CDHR3: variants seen among roughly 807,000 people sequenced by gnomAD.
CDHR3 encodes the protein cadherin related family member 3.
CDHR3 carries 79 observed loss-of-function variants against 86.6 expected under a neutral mutation model. The ratio of observed to expected loss-of-function variants is 0.91; its 90% CI spans 0.76 to 1.10. The LOEUF (loss-of-function observed/expected upper bound fraction) is 1.10. Ranked by LOEUF, CDHR3 falls within the 50% of genes least tolerant of loss-of-function variation. The pLI, the probability that CDHR3 is intolerant of heterozygous loss-of-function variation, is 0.00. For missense variants in CDHR3, 1,081 were observed against 1,077.6 expected (o/e 1.00, Z -0.04); for synonymous variants, 421 against 402.4 (o/e 1.05, Z -0.55).
chr7:105,980,220 C>G (rs562864167), intron 2 of CDHR3, among the ~76,000 whole-genome samples: 1 of 152,244 alleles, frequency 6.6e-6, no homozygotes, highest in Admixed American at 6.5e-5. Flanking sequence ...AGTGATGAGT[C>G]AAGATATAAC....
intron 3 of CDHR3, 34 bp from the exon 4 acceptor site, chr7:105,984,158 G>A: frequency 7.2e-7 from 1 of 1,385,628 alleles, no homozygotes; most frequent in Non-Finnish European, 9.9e-7. Flanking sequence ...GCTTTAATAA[G>A]ATGTTTCTTA....
In CDHR3 at chr7:106,018,069, C is replaced by T. The variant is rs1835934269; in HGVS notation, c.1650C>T (p.Val550=). 1 of 1,613,040 alleles carries T rather than the reference C, an allele frequency of 6.2e-7. No individual in the cohort carries two copies. Among genetic ancestry groups the T allele is most frequent in the Non-Finnish European group, 8.5e-7 (1 of 1,179,302 alleles). ...QATNNEDTSS[V]TVTVNILEEN... is the part of the protein sequence containing the mutation. ...CCAACAACGAAGACACAAGCTCTGT[C>T]ACTGTGAGTGGTGCTGCTTGGTATA... Residue 550 remains valine, a synonymous_variant, in exon 12 of 19, where the codon GTC becomes GTT. Transcript: ENST00000317716.
intron 9 of CDHR3, among the ~76,000 whole-genome samples, chr7:106,014,234 C>T (rs1835232143): frequency 6.6e-6 from 1 of 152,174 alleles, no homozygotes; most frequent in Non-Finnish European, 1.5e-5. Flanking sequence ...CTGTGCCTAG[C>T]CTGCATATGA....
At chr7:106,029,128 T>C (rs1357009305) in intron 17 of CDHR3, among the ~76,000 whole-genome samples, 1 of 152,028 alleles carries the variant, frequency 6.6e-6, no homozygotes, top group Non-Finnish European at 1.5e-5. Flanking sequence ...TACAGACACG[T>C]GCCACCACGC....
At chr7:106,011,364 AC>A (rs1834774653) in intron 8 of CDHR3, among the ~76,000 whole-genome samples, 1 of 152,100 alleles carries the variant, frequency 6.6e-6, no homozygotes, top group Non-Finnish European at 1.5e-5. Context: ...GTGCCTTGGG[AC>A]TTGCCCTCTC....
intron 1 of CDHR3, among the ~76,000 whole-genome samples, chr7:105,970,848 G>A (rs1227424119): frequency 6.6e-6 from 1 of 152,118 alleles, no homozygotes; most frequent in East Asian, 1.9e-4. Flanking sequence ...ATTAAGGTCA[G>A]GAGAACCCAG....
At chr7:106,017,419 T>C (rs928358610) in intron 11 of CDHR3, among the ~76,000 whole-genome samples, 2 of 151,826 alleles carry the variant, frequency 1.3e-5, no homozygotes, top group African/African-American at 2.4e-5. Flanking sequence ...ATTAGCCAGG[T>C]GTGGTCGTGG....
intron 1 of CDHR3, among the ~76,000 whole-genome samples, chr7:105,965,692 A>G (rs1221670396): frequency 6.6e-6 from 1 of 151,908 alleles, no homozygotes; most frequent in Non-Finnish European, 1.5e-5. Flanking sequence ...CACCTAATGC[A>G]GATTCAGTGC....
chr7:105,992,118 T>C (rs1233920723), intron 4 of CDHR3, among the ~76,000 whole-genome samples: 3 of 152,180 alleles, frequency 2.0e-5, no homozygotes, highest in African/African-American at 7.2e-5. Context: ...AAACCTTTGT[T>C]CCCTCGGTTG....
Position 105,963,380 on chromosome 7 carries a change from T to C in CDHR3, c.46+16T>C. The C allele has an allele frequency of 6.2e-7, 1 of 1,613,700 alleles. No individual in the cohort carries two copies. The highest frequency in any genetic ancestry group is 8.5e-7 in the Non-Finnish European group (1 of 1,179,586). On this transcript the variant is annotated intron_variant, in intron 1 of 18. Transcript: ENST00000317716. ...GCCATGTCAGGTAGGAACTCAATTT[T>C]GCTTTGGAACCTTGCTTGCCTACTT... is the stretch of plus-strand genomic sequence containing the variant.
chr7:106,014,548 G>A (rs1291501967), intron 9 of CDHR3, among the ~76,000 whole-genome samples: 2 of 152,164 alleles, frequency 1.3e-5, no homozygotes, highest in Non-Finnish European at 1.5e-5. Flanking sequence ...TTGAGGCCAC[G>A]AGTTTGAGGC....
At chr7:106,000,709 G>C (rs1367311745) in intron 6 of CDHR3, among the ~76,000 whole-genome samples, 1 of 152,134 alleles carries the variant, frequency 6.6e-6, no homozygotes, top group East Asian at 1.9e-4. Flanking sequence ...TTACTGGCCT[G>C]TTCCAAAGGC....
Position 106,024,432 on chromosome 7 carries a change from T to A in CDHR3, c.2128T>A (p.Trp710Arg). Residue 710 changes from tryptophan (W) to arginine (R), a missense_variant, in exon 15 of 19, where the codon TGG (tryptophan) becomes AGG (arginine). By Grantham distance (101) the Trp-to-Arg change is moderately radical. Coordinates refer to ENST00000317716, the MANE Select transcript of CDHR3 (RefSeq NM_152750.5). ...GAAAAACGTTTACTCTCCATCTGCATGGTACGTGCCGTTTGTCATCACTTT... is the reference window on the plus strand; with the variant it reads ...GAAAAACGTTTACTCTCCATCTGCAAGGTACGTGCCGTTTGTCATCACTTT... ...LRKNVYSPSA[W>R]YVPFVITLGS... 6.2e-7 allele frequency: 1 copy of A among 1,614,020 alleles called. No homozygotes were observed. Among genetic ancestry groups the A allele is most frequent in the Non-Finnish European group, 8.5e-7 (1 of 1,179,882 alleles).
At chr7:106,003,787 A>G (rs943902709) in intron 7 of CDHR3, among the ~76,000 whole-genome samples, 7 of 152,170 alleles carry the variant, frequency 4.6e-5, no homozygotes, top group Non-Finnish European at 8.8e-5. Flanking sequence ...GGCAAAGGCA[A>G]TAATTGTGCA....
chr7:106,017,822 A>G, intron 11 of CDHR3, 24 bp from the exon 12 acceptor site: 1 of 1,534,646 alleles, frequency 6.5e-7, no homozygotes, highest in Non-Finnish European at 8.8e-7. Context: ...AGCAGGACTT[A>G]TTGCAGGTAC....
chr7:106,006,686 C>T (rs1833984478), intron 8 of CDHR3, among the ~76,000 whole-genome samples: 1 of 152,206 alleles, frequency 6.6e-6, no homozygotes, highest in South Asian at 2.1e-4. Flanking sequence ...CAGCTCCATT[C>T]CTGTGGCTTT....
At chr7:105,989,852 ACAGCATCCCTGTCCC>A (rs1262365720) in intron 4 of CDHR3, among the ~76,000 whole-genome samples, 8 of 152,064 alleles carry the variant, frequency 5.3e-5, no homozygotes, top group Non-Finnish European at 1.0e-4. Flanking sequence ...TTTCTGAGTG[ACAGCATCCCTGTCCC>A]CACCATACAC....
At chr7:105,969,240 CAAA>C (rs561288062) in intron 1 of CDHR3, among the ~76,000 whole-genome samples, 1 of 140,522 alleles carries the variant, frequency 7.1e-6, no homozygotes, top group African/African-American at 2.6e-5. Flanking sequence ...ACTAAAAATA[CAAA>C]AAAAAATTAG....
In CDHR3 at chr7:106,026,679, T is replaced by C. The variant is rs747543666; in HGVS notation, c.2259-3T>C. 3.7e-6 allele frequency: 6 copies of C among 1,613,618 alleles called. No homozygotes were observed. The Admixed American group carries it at 5.0e-5, about 13-fold the overall frequency. ...TTAATAGCCATTCTTTTTCCCCCCA[T>C]AGGACAAAGAAAGGAGGTATGTACA... On this transcript the variant is annotated splice_region_variant and splice_polypyrimidine_tract_variant and intron_variant, in intron 15 of 18. Transcript: ENST00000317716.
Sources: gnomAD v4.1 joint callset for allele counts (sites outside exome capture counted in the v4.1 genomes callset) on GRCh38, gnomAD v4.1.1 for gene constraint, MANE v1.5 for transcripts, NCBI Gene and HGNC (gene_info 2026-07-23, HGNC 2026-07-21) for gene names.